TRDN: variants seen among roughly 807,000 people sequenced by gnomAD.
TRDN encodes triadin in skeletal muscle.
A neutral mutation model predicts 149.7 loss-of-function variants in TRDN; 161 were observed. The observed-to-expected ratio is 1.08, with a 90% CI of 0.95 to 1.23. The LOEUF (loss-of-function observed/expected upper bound fraction) is 1.23, where lower values mean the gene tolerates loss of function less well. Ranked by LOEUF, TRDN falls within the 50% of genes most tolerant of loss-of-function variation. TRDN has a pLI of 0.00. For missense variants in TRDN, 896 were observed against 823.5 expected (o/e 1.09, Z -1.08); for synonymous variants, 294 against 250.5 (o/e 1.17, Z -1.64).
intron 14 of TRDN, among the ~76,000 whole-genome samples, chr6:123,385,301 G>A (rs369500031): frequency 2.0e-5 from 3 of 151,844 alleles, no homozygotes; most frequent in Non-Finnish European, 4.4e-5. Flanking sequence ...GGTAGCAGCC[G>A]CCTGTAGTAC....
In TRDN at chr6:123,218,585, G is replaced by T. The variant is rs1178541394; in HGVS notation, c.*16C>A. On this transcript the variant is annotated 3_prime_UTR_variant, in exon 41 of 41. Coordinates refer to ENST00000334268, the MANE Select transcript of TRDN (RefSeq NM_006073.4). The stretch of plus-strand genomic sequence containing the variant: ...TTTAAAATCTTAAAGCACTTGTAAG[G>T]GTCATACATGTGTGTTTACTGTCCT... The T allele has an allele frequency of 6.2e-6, 10 of 1,608,596 alleles. No homozygotes were observed. The highest frequency in any genetic ancestry group is 8.5e-6 in the Non-Finnish European group (10 of 1,177,126).
At chr6:123,432,101 T>C (rs1774360589) in intron 12 of TRDN, among the ~76,000 whole-genome samples, 1 of 152,180 alleles carries the variant, frequency 6.6e-6, no homozygotes, top group Non-Finnish European at 1.5e-5. Flanking sequence ...AAATCTTACC[T>C]GACCAATTCA....
chr6:123,360,252 C>T (rs1036542028), intron 20 of TRDN, among the ~76,000 whole-genome samples: 1 of 152,204 alleles, frequency 6.6e-6, no homozygotes, highest in Non-Finnish European at 1.5e-5. Flanking sequence ...ATTGAAAAAA[C>T]TTCATGATAT....
intron 10 of TRDN, chr6:123,462,797 T>A (rs1176663663): frequency 6.6e-6 from 1 of 152,098 alleles, no homozygotes; most frequent in Non-Finnish European, 1.5e-5. Flanking sequence ...AAAAACAGCC[T>A]GATTAATACT....
chr6:123,620,746 G>C (rs368909013), intron 1 of TRDN, among the ~76,000 whole-genome samples: 1 of 152,130 alleles, frequency 6.6e-6, no homozygotes, highest in African/African-American at 2.4e-5. Context: ...GCCTGAAGTT[G>C]TCACCTTTTA....
At chr6:123,455,445 T>C (rs1320711881) in intron 10 of TRDN, among the ~76,000 whole-genome samples, 2 of 151,694 alleles carry the variant, frequency 1.3e-5, no homozygotes, top group Admixed American at 6.6e-5. Flanking sequence ...TGTGTCTGTG[T>C]GTGTTAGAGA....
intron 24 of TRDN, among the ~76,000 whole-genome samples, chr6:123,301,760 T>C (rs1229282856): frequency 1.3e-5 from 1 of 79,830 alleles, no homozygotes; most frequent in Admixed American, 1.5e-4. Flanking sequence ...TACATATATA[T>C]ATATATATAC....
At chr6:123,592,371 A>G (rs1783827958) in intron 1 of TRDN, among the ~76,000 whole-genome samples, 1 of 152,188 alleles carries the variant, frequency 6.6e-6, no homozygotes, top group Non-Finnish European at 1.5e-5. Flanking sequence ...GAGGTTAAAA[A>G]ATAAATGAAA....
chr6:123,269,831 A>G lies in TRDN; in HGVS notation c.1738+18T>C, dbSNP rs769407744. 1 of 1,609,458 alleles carries G rather than the reference A, an allele frequency of 6.2e-7. No individual in the cohort carries two copies. Among genetic ancestry groups the G allele is most frequent in the Non-Finnish European group, 8.5e-7 (1 of 1,177,520 alleles). On this transcript the variant is annotated intron_variant, in intron 31 of 40. Coordinates refer to ENST00000334268, the MANE Select transcript of TRDN (RefSeq NM_006073.4). Reference sequence around the variant, plus strand: ...GGTCAAGCGATATTTCTCAGGTGTTATTCTATTCATCTCTTACTTGTTGGT... The same window carrying G: ...GGTCAAGCGATATTTCTCAGGTGTTGTTCTATTCATCTCTTACTTGTTGGT...
At chr6:123,575,784 C>T (rs931987215) in intron 1 of TRDN, among the ~76,000 whole-genome samples, 2 of 151,978 alleles carry the variant, frequency 1.3e-5, no homozygotes, top group Admixed American at 6.6e-5. Flanking sequence ...AGCCATAAGC[C>T]TCCTGATAGA....
At chr6:123,586,536 A>G (rs1783494942) in intron 1 of TRDN, among the ~76,000 whole-genome samples, 1 of 152,168 alleles carries the variant, frequency 6.6e-6, no homozygotes, top group Non-Finnish European at 1.5e-5. Context: ...CCATTTGCCC[A>G]TTTTACAACA....
intron 12 of TRDN, among the ~76,000 whole-genome samples, chr6:123,433,301 C>T (rs887036231): frequency 2.6e-5 from 4 of 151,396 alleles, no homozygotes; most frequent in African/African-American, 7.3e-5. Flanking sequence ...AATAACTTCC[C>T]ACCCCAACGC....
intron 23 of TRDN, among the ~76,000 whole-genome samples, chr6:123,324,015 G>A (rs530767228): frequency 3.5e-4 from 54 of 152,232 alleles, no homozygotes; most frequent in Middle Eastern, 3.4e-3. Context: ...GGCAGATGGC[G>A]AGTTGGAAAT....
intron 7 of TRDN, among the ~76,000 whole-genome samples, chr6:123,505,714 T>C (rs1315703397): frequency 6.6e-6 from 1 of 152,078 alleles, no homozygotes; most frequent in Non-Finnish European, 1.5e-5. Context: ...TTTTTTTTTT[T>C]TTTGAGATGA....
At chr6:123,582,279 T>A (rs1255919029) in intron 1 of TRDN, among the ~76,000 whole-genome samples, 1 of 152,116 alleles carries the variant, frequency 6.6e-6, no homozygotes, top group Admixed American at 6.5e-5. Flanking sequence ...GTTTATTATC[T>A]AACAACCCAG....
chr6:123,538,678 C>T (rs986184204), intron 4 of TRDN, among the ~76,000 whole-genome samples: 1 of 152,034 alleles, frequency 6.6e-6, no homozygotes, highest in South Asian at 2.1e-4. Flanking sequence ...TTTATTTTAT[C>T]GTGTTTGATT....
chr6:123,586,071 G>A (rs531314425), intron 1 of TRDN, among the ~76,000 whole-genome samples: 4 of 152,186 alleles, frequency 2.6e-5, no homozygotes, highest in Admixed American at 1.3e-4. Context: ...GCTGCCAAAC[G>A]AGTCATGAAC....
intron 9 of TRDN, among the ~76,000 whole-genome samples, chr6:123,475,003 A>G (rs1465571980): frequency 6.6e-6 from 1 of 152,152 alleles, no homozygotes; most frequent in African/African-American, 2.4e-5. Context: ...AAGAACTAGA[A>G]AAGCAAGAGC....
chr6:123,322,726 C>T (rs1779290795), intron 23 of TRDN, among the ~76,000 whole-genome samples: 1 of 151,560 alleles, frequency 6.6e-6, no homozygotes, highest in Admixed American at 6.6e-5. Flanking sequence ...CTGCAACCTC[C>T]ACCTCCTGGA....
Sources: gnomAD v4.1 joint callset for allele counts (sites outside exome capture counted in the v4.1 genomes callset) on GRCh38, gnomAD v4.1.1 for gene constraint, MANE v1.5 for transcripts, NCBI Gene and HGNC (gene_info 2026-07-23, HGNC 2026-07-21) for gene names.